The following PAPPA variants were observed in gnomAD, a reference collection of about 807,000 sequenced individuals.
The protein encoded by PAPPA is pappalysin 1.
PAPPA carries 60 observed loss-of-function variants against 164.0 expected under a neutral mutation model. The observed-to-expected ratio is 0.37, with a 90% confidence interval of 0.30 to 0.45. PAPPA has a LOEUF of 0.45. PAPPA is among the 20% of genes least tolerant of loss of function. PAPPA has a pLI of 1.00. For missense variants in PAPPA, 1,782 were observed against 2,087.3 expected, an observed-to-expected ratio of 0.85 and a Z score of 2.85; for synonymous variants, 875 against 814.1, an observed-to-expected ratio of 1.07 and a Z score of -1.27.
At chr9:116,231,499 A>G (rs568864947) in intron 6 of PAPPA, among the ~76,000 whole-genome samples, 2 of 152,028 alleles carry the variant, frequency 1.3e-5, no homozygotes, top group South Asian at 2.1e-4. Flanking sequence ...CAGTTCATAT[A>G]TTGTCTGCGT....
At chr9:116,226,779 C>T (rs764018918) in intron 5 of PAPPA, among the ~76,000 whole-genome samples, 3 of 152,256 alleles carry the variant, frequency 2.0e-5, no homozygotes, top group Non-Finnish European at 4.4e-5. Context: ...TAATATTCCA[C>T]TTCTGGGACT....
At chr9:116,330,832 T>C (rs895889117) in intron 10 of PAPPA, among the ~76,000 whole-genome samples, 2 of 152,180 alleles carry the variant, frequency 1.3e-5, no homozygotes, top group Admixed American at 6.5e-5. Flanking sequence ...GCCTCAGTAG[T>C]AACCATTTGA....
At chr9:116,289,384 A>ATATATAGCATT (rs1564212481) in intron 9 of PAPPA, among the ~76,000 whole-genome samples, 26 of 110,472 alleles carry the variant, frequency 2.4e-4, no homozygotes, top group Non-Finnish European at 4.2e-4. Context: ...TATATAGCAT[A>ATATATAGCATT]TGTATATATA....
At chr9:116,226,284 C>T (rs1844506603) in intron 5 of PAPPA, among the ~76,000 whole-genome samples, 1 of 152,142 alleles carries the variant, frequency 6.6e-6, no homozygotes, top group Non-Finnish European at 1.5e-5. Flanking sequence ...GGATGATCTA[C>T]TGTCCGCTGT....
intron 1 of PAPPA, among the ~76,000 whole-genome samples, chr9:116,181,085 A>G (rs1177602975): frequency 6.6e-6 from 1 of 152,220 alleles, no homozygotes; most frequent in Non-Finnish European, 1.5e-5. Flanking sequence ...GTAAATTGAG[A>G]CATTGCATTG....
intron 5 of PAPPA, among the ~76,000 whole-genome samples, chr9:116,220,941 C>T (rs1286397137): frequency 2.0e-5 from 3 of 146,540 alleles, no homozygotes; most frequent in South Asian, 2.3e-4. Context: ...ATAATTTTTG[C>T]ACCAAATGTT....
At chr9:116,177,435 G>A (rs757719609) in intron 1 of PAPPA, among the ~76,000 whole-genome samples, 2 of 152,162 alleles carry the variant, frequency 1.3e-5, no homozygotes, top group African/African-American at 2.4e-5. Context: ...GCCAATCATT[G>A]TGCTGGCCTG....
At chr9:116,259,024 T>C (rs1008909984) in intron 7 of PAPPA, among the ~76,000 whole-genome samples, 1 of 152,102 alleles carries the variant, frequency 6.6e-6, no homozygotes, top group East Asian at 1.9e-4. Flanking sequence ...TCCCAGCTAC[T>C]TGGGAGGCTG....
At chr9:116,179,015 T>C (rs1052802649) in intron 1 of PAPPA, among the ~76,000 whole-genome samples, 2 of 152,234 alleles carry the variant, frequency 1.3e-5, no homozygotes, top group Non-Finnish European at 2.9e-5. Flanking sequence ...TCAGGAACCC[T>C]CAGGCATACT....
intron 10 of PAPPA, among the ~76,000 whole-genome samples, chr9:116,323,863 C>T (rs1176817019): frequency 6.6e-6 from 1 of 152,194 alleles, no homozygotes; most frequent in Non-Finnish European, 1.5e-5. Flanking sequence ...ATGAATTCAT[C>T]TTACTCTGTC....
intron 21 of PAPPA, among the ~76,000 whole-genome samples, chr9:116,385,346 TAG>T (rs1372847120): frequency 6.6e-6 from 1 of 152,082 alleles, no homozygotes; most frequent in Non-Finnish European, 1.5e-5. Flanking sequence ...ATGCACTCTG[TAG>T]AGAGAGAATC....
chr9:116,186,051 A>G (rs975084664), intron 1 of PAPPA, among the ~76,000 whole-genome samples: 1 of 152,108 alleles, frequency 6.6e-6, no homozygotes, highest in Non-Finnish European at 1.5e-5. Context: ...GAGAAACGTA[A>G]TGTCACCACC....
At chr9:116,300,852 A>ATTT (rs11362350) in intron 9 of PAPPA, among the ~76,000 whole-genome samples, 2 of 150,928 alleles carry the variant, frequency 1.3e-5, no homozygotes, top group African/African-American at 4.9e-5. Context: ...AAAGAAGAGT[A>ATTT]TTTTTTTTTT....
chr9:116,182,052 A>G (rs1843912259), intron 1 of PAPPA, among the ~76,000 whole-genome samples: 1 of 152,212 alleles, frequency 6.6e-6, no homozygotes, highest in African/African-American at 2.4e-5. Context: ...TGTATTGACC[A>G]TGACTAAGAG....
At chr9:116,222,435 A>G (rs1016192603) in intron 5 of PAPPA, among the ~76,000 whole-genome samples, 2 of 152,208 alleles carry the variant, frequency 1.3e-5, no homozygotes, top group African/African-American at 2.4e-5. Flanking sequence ...TCAACTTAAG[A>G]TAGGTTTATT....
chr9:116,297,578 C>G (rs1845525027), intron 9 of PAPPA, among the ~76,000 whole-genome samples: 2 of 152,304 alleles, frequency 1.3e-5, no homozygotes, highest in African/African-American at 2.4e-5. Flanking sequence ...TAATTATTGT[C>G]CACCAATTGT....
chr9:116,300,548 C>T (rs1303729293), intron 9 of PAPPA, among the ~76,000 whole-genome samples: 2 of 152,220 alleles, frequency 1.3e-5, no homozygotes, highest in African/African-American at 4.8e-5. Context: ...GCTGGGATTA[C>T]AGGCATGAGC....
chr9:116,252,788 C>T (rs913295517), intron 7 of PAPPA, among the ~76,000 whole-genome samples: 4 of 152,184 alleles, frequency 2.6e-5, no homozygotes, highest in Non-Finnish European at 5.9e-5. Context: ...TTTAGCGAAA[C>T]GTTTCCACTT....
chr9:116,348,884 T>G (rs1846245415), intron 15 of PAPPA, among the ~76,000 whole-genome samples: 1 of 152,210 alleles, frequency 6.6e-6, no homozygotes, highest in Non-Finnish European at 1.5e-5. Context: ...GTACCACATT[T>G]TCTTTATTCA....
Sources: allele counts gnomAD v4.1 joint callset (sites outside exome capture counted in the v4.1 genomes callset), GRCh38; gene constraint gnomAD v4.1.1; transcripts MANE v1.5; gene names NCBI Gene and HGNC (gene_info 2026-07-23, HGNC 2026-07-21).